The following RBM19 variants were observed in gnomAD, a reference collection of about 807,000 sequenced individuals.
The protein encoded by RBM19 is probable RNA-binding protein 19.
Under a neutral mutation model 116.8 loss-of-function variants are expected in RBM19, and 94 were observed. That is an observed-to-expected ratio of 0.80 (90% CI 0.68 to 0.95). The LOEUF (loss-of-function observed/expected upper bound fraction) is 0.95. Ranked by LOEUF, RBM19 falls within the 40% of genes least tolerant of loss-of-function variation. The pLI is 0.00. For missense variants in RBM19, 1,161 were observed against 1,220.7 expected, an observed-to-expected ratio of 0.95 and a Z score of 0.73; for synonymous variants, 475 against 494.1, an observed-to-expected ratio of 0.96 and a Z score of 0.51.
At chr12:113,835,151 G>A (rs941980749) in intron 23 of RBM19, among the ~76,000 whole-genome samples, 6 of 152,112 alleles carry the variant, frequency 3.9e-5, no homozygotes, top group African/African-American at 1.2e-4. Context: ...TTCTGAGCCC[G>A]GCTTCCTTCC....
intron 21 of RBM19, among the ~76,000 whole-genome samples, chr12:113,877,317 A>G (rs967179848): frequency 5.9e-5 from 9 of 152,204 alleles, no homozygotes; most frequent in African/African-American, 2.2e-4. Flanking sequence ...CCGTTACCAC[A>G]GAAGAAGCAT....
At chr12:113,839,025 T>C (rs557190626) in intron 23 of RBM19, among the ~76,000 whole-genome samples, 3 of 152,240 alleles carry the variant, frequency 2.0e-5, no homozygotes. Context: ...TTTCATTCTG[T>C]GGCCCACATT....
chr12:113,918,438 C>G lies in RBM19; in HGVS notation c.2395G>C (p.Val799Leu). 1 of 1,614,052 alleles carries G rather than the reference C, an allele frequency of 6.2e-7. No homozygotes were observed. The highest frequency in any genetic ancestry group is 2.2e-5 in the East Asian group (1 of 44,882). Reference protein sequence around the residue: ...KALKQLQGHVVDGHKLEVRIS... With the variant: ...KALKQLQGHVLDGHKLEVRIS... ...CTCACTTCCAGCTTGTGGCCGTCCA[C>G]GACGTGACCCTAAGAGAGAAGACAA... Residue 799 changes from valine to leucine, a missense_variant, in exon 20 of 24, where the codon GTG becomes CTG. Transcript: ENST00000261741.
intron 21 of RBM19, among the ~76,000 whole-genome samples, chr12:113,881,375 T>G (rs1251069034): frequency 2.6e-5 from 4 of 152,044 alleles, no homozygotes; most frequent in African/African-American, 7.2e-5. Context: ...AATCTAAGTT[T>G]CCGTAGCCAG....
intron 17 of RBM19, 97 bp from the exon 18 acceptor site, chr12:113,924,854 CACCTTGGGGTCCCAAA>C: frequency 9.8e-7 from 1 of 1,017,712 alleles, no homozygotes; most frequent in South Asian, 1.3e-5. Flanking sequence ...GCCATATGGA[CACCTTGGGGTCCCAAA>C]AACATTTTGA....
At chr12:113,902,521 C>T (rs987057895) in intron 21 of RBM19, among the ~76,000 whole-genome samples, 2 of 151,326 alleles carry the variant, frequency 1.3e-5, no homozygotes, top group Non-Finnish European at 2.9e-5. Flanking sequence ...ATCCCTTGAG[C>T]CCAGGAGTTT....
intron 21 of RBM19, among the ~76,000 whole-genome samples, chr12:113,907,230 G>T (rs898176178): frequency 6.6e-6 from 1 of 152,100 alleles, no homozygotes; most frequent in Non-Finnish European, 1.5e-5. Context: ...TCTTCAGAAC[G>T]CTCATGCCAC....
At chr12:113,949,384 G>GTACT (rs1429474486) in intron 9 of RBM19, among the ~76,000 whole-genome samples, 10 of 152,194 alleles carry the variant, frequency 6.6e-5, no homozygotes, top group Admixed American at 5.9e-4. Flanking sequence ...CCAGCCCTGG[G>GTACT]TACTTACCTG....
At chr12:113,876,027 T>G (rs1262192218) in intron 21 of RBM19, among the ~76,000 whole-genome samples, 1 of 150,678 alleles carries the variant, frequency 6.6e-6, no homozygotes, top group Non-Finnish European at 1.5e-5. Flanking sequence ...TTGGGGTGGG[T>G]GTGGGGTGGG....
rs1168262320 is a variant in RBM19 at position 113,959,238 on chromosome 12, T to G, written c.545A>C (p.Glu182Ala). Reference sequence around the variant, plus strand: ...TTCCAGGTCCTCCCCGGCTCCCTCCTCCTCACTCTCCTGCCCAGAATCGGA... The same window carrying G: ...TTCCAGGTCCTCCCCGGCTCCCTCCGCCTCACTCTCCTGCCCAGAATCGGA... ...FDSDSGQESE[E>A]EGAGEDLEEE... The change falls in exon 5 of 24, where the codon GAG becomes GCG. Residue 182 changes from glutamate to alanine, a missense_variant. Transcript: ENST00000261741. The G allele has an allele frequency of 6.2e-7, 1 of 1,612,512 alleles. No individual in the cohort carries two copies. The highest frequency in any genetic ancestry group is 1.1e-5 in the South Asian group (1 of 91,004).
At chr12:113,889,675 A>AAC (rs902876880) in intron 21 of RBM19, among the ~76,000 whole-genome samples, 14 of 143,692 alleles carry the variant, frequency 9.7e-5, no homozygotes, top group African/African-American at 3.7e-4. Flanking sequence ...ACAAACAACA[A>AAC]AAAAAAAAAC....
At chr12:113,934,319 C>A (rs1412407593) in intron 16 of RBM19, among the ~76,000 whole-genome samples, 4 of 152,176 alleles carry the variant, frequency 2.6e-5, no homozygotes, top group African/African-American at 9.7e-5. Context: ...GATATCATGC[C>A]CGTTTTACAG....
intron 21 of RBM19, among the ~76,000 whole-genome samples, chr12:113,901,371 T>TA (rs1314617499): frequency 6.6e-6 from 1 of 152,122 alleles, no homozygotes; most frequent in African/African-American, 2.4e-5. Context: ...CACCTGCAGG[T>TA]GACCCTAAAG....
At chr12:113,849,699 A>G (rs973294547) in intron 22 of RBM19, among the ~76,000 whole-genome samples, 3 of 152,194 alleles carry the variant, frequency 2.0e-5, no homozygotes, top group Non-Finnish European at 4.4e-5. Context: ...AGGCCTGAAG[A>G]TCCAGCACAG....
intron 21 of RBM19, among the ~76,000 whole-genome samples, chr12:113,860,832 C>T (rs987519687): frequency 1.3e-5 from 2 of 152,180 alleles, no homozygotes; most frequent in Non-Finnish European, 2.9e-5. Context: ...ATCTATCTTG[C>T]TCATCACTGG....
At position 113,962,287 on chromosome 12, in the gene RBM19, G is replaced by C; in HGVS notation, c.164C>G (p.Ala55Gly). Residue 55 changes from alanine to glycine, a missense_variant, in exon 2 of 24, where the codon GCC becomes GGC. By Grantham distance (60) the Ala-to-Gly change is moderately conservative. Coordinates refer to ENST00000261741, the MANE Select transcript of RBM19 (RefSeq NM_016196.4). ...GFIGFKSEEE[A>G]QKAQKHFNKS... ...GTTGAAATGCTTCTGTGCCTTCTGG[G>C]CCTCTTCCTCGGACTTGAAGCCAAT... 6 of 1,614,238 alleles carry C rather than the reference G, an allele frequency of 3.7e-6. No individual in the cohort carries two copies. Among genetic ancestry groups the C allele is most frequent in the Non-Finnish European group, 5.1e-6 (6 of 1,180,046 alleles).
intron 23 of RBM19, among the ~76,000 whole-genome samples, chr12:113,828,768 C>CCTCA (rs1875106679): frequency 1.3e-5 from 2 of 152,128 alleles, no homozygotes; most frequent in Admixed American, 1.3e-4. Context: ...AGACCCCCAC[C>CCTCA]CTCAGCTGCT....
chr12:113,902,767 A>G (rs1329136426), intron 21 of RBM19, among the ~76,000 whole-genome samples: 1 of 152,182 alleles, frequency 6.6e-6, no homozygotes, highest in African/African-American at 2.4e-5. Context: ...CATGTCTTGA[A>G]CATACCAGTT....
chr12:113,960,356 C>T (rs531686509), intron 2 of RBM19, among the ~76,000 whole-genome samples, 178 bp from the exon 3 acceptor site: 5 of 152,308 alleles, frequency 3.3e-5, no homozygotes, highest in African/African-American at 9.6e-5. Flanking sequence ...GTCTAGAATA[C>T]AATACTCTAA....
Sources: allele counts gnomAD v4.1 joint callset (sites outside exome capture counted in the v4.1 genomes callset), GRCh38; gene constraint gnomAD v4.1.1; transcripts MANE v1.5; gene names NCBI Gene and HGNC (gene_info 2026-07-23, HGNC 2026-07-21).